The following DMD variants were observed in gnomAD, a reference collection of about 807,000 sequenced individuals.
The protein encoded by DMD is mutant dystrophin.
DMD carries 63 observed loss-of-function variants against 330.1 expected under a neutral mutation model. The ratio of observed to expected loss-of-function variants is 0.19; its 90% CI spans 0.16 to 0.24. The LOEUF (loss-of-function observed/expected upper bound fraction) is 0.24, where lower values mean the gene tolerates loss of function less well. DMD is among the 10% of genes least tolerant of loss of function. DMD has a pLI of 1.00. For synonymous variants in DMD, 1,223 were observed against 959.8 expected, an observed-to-expected ratio of 1.27 and a Z score of -5.07; for missense variants, 3,344 against 2,684.1, an observed-to-expected ratio of 1.25 and a Z score of -5.43.
chrX:32,341,414 C>T (rs181619759), intron 41 of DMD, among the ~76,000 whole-genome samples: 80 of 111,969 alleles, frequency 7.1e-4, no homozygotes, highest in African/African-American at 2.6e-3. Flanking sequence ...AATTCTGAAT[C>T]GCCTTTTTAA....
At chrX:31,956,532 A>G (rs1329787258) in intron 45 of DMD, among the ~76,000 whole-genome samples, 1 of 111,728 alleles carries the variant, frequency 9.0e-6, no homozygotes, top group East Asian at 2.8e-4. Context: ...ATAAATTCAG[A>G]TAAGATTAGT....
intron 60 of DMD, among the ~76,000 whole-genome samples, chrX:31,415,594 C>T (rs2061833763): frequency 8.9e-6 from 1 of 111,895 alleles, no homozygotes; most frequent in South Asian, 3.8e-4. Context: ...TTTTCTCACT[C>T]ATCATCGTAG....
chrX:31,301,404 C>A (rs1019131620), intron 62 of DMD, among the ~76,000 whole-genome samples: 2 of 111,580 alleles, frequency 1.8e-5, no homozygotes, highest in African/African-American at 6.5e-5. Context: ...GGCTGGGGAG[C>A]CCTCAGGAAG....
At chrX:32,736,581 C>T (rs773622488) in intron 7 of DMD, among the ~76,000 whole-genome samples, 6 of 110,610 alleles carry the variant, frequency 5.4e-5, no homozygotes, top group South Asian at 7.7e-4. Context: ...GAATGCTATG[C>T]GGCCATAAAA....
At chrX:32,785,453 G>T (rs1207940316) in intron 7 of DMD, among the ~76,000 whole-genome samples, 1 of 111,428 alleles carries the variant, frequency 9.0e-6, no homozygotes, top group East Asian at 2.8e-4. Flanking sequence ...ATTCCTTCAA[G>T]CACTACCTTT....
At chrX:33,171,658 A>T (rs1016682646) in intron 1 of DMD, among the ~76,000 whole-genome samples, 2 of 111,583 alleles carry the variant, frequency 1.8e-5, no homozygotes, top group Non-Finnish European at 3.8e-5. Context: ...TTAGTAAGTC[A>T]TGCAAAATAA....
At chrX:32,634,881 A>G (rs2058986601) in intron 11 of DMD, among the ~76,000 whole-genome samples, 1 of 111,530 alleles carries the variant, frequency 9.0e-6, no homozygotes, top group African/African-American at 3.3e-5. Context: ...TCCCAAGTCC[A>G]CTGACTCTGA....
intron 1 of DMD, among the ~76,000 whole-genome samples, chrX:33,185,162 T>C (rs991626246): frequency 9.0e-6 from 1 of 111,585 alleles, no homozygotes; most frequent in African/African-American, 3.3e-5. Context: ...ATTAAAAATG[T>C]ATTATACTCC....
At chrX:33,264,570 C>T (rs1348059882) in intron 1 of DMD, among the ~76,000 whole-genome samples, 1 of 110,993 alleles carries the variant, frequency 9.0e-6, no homozygotes, top group African/African-American at 3.3e-5. Context: ...AATGTTAAGC[C>T]ACCAACCAGC....
intron 9 of DMD, among the ~76,000 whole-genome samples, chrX:32,676,921 C>G (rs1439478790): frequency 9.0e-6 from 1 of 111,271 alleles, no homozygotes; most frequent in Non-Finnish European, 1.9e-5. Context: ...TTTTGAAGAC[C>G]ATGTCACTAT....
intron 9 of DMD, among the ~76,000 whole-genome samples, chrX:32,670,778 T>C (rs897802714): frequency 1.7e-4 from 19 of 112,202 alleles, no homozygotes; most frequent in African/African-American, 5.8e-4. Flanking sequence ...CCTGTCAGAA[T>C]TTTCTACTTC....
intron 30 of DMD, among the ~76,000 whole-genome samples, chrX:32,394,365 C>A (rs763178664): frequency 8.9e-6 from 1 of 111,905 alleles, no homozygotes; most frequent in African/African-American, 3.2e-5. Flanking sequence ...CTCTCTCTTG[C>A]CACCTTGGGC....
chrX:31,951,186 TATCTTA>T (rs1247827000), intron 45 of DMD, among the ~76,000 whole-genome samples: 1 of 98,533 alleles, frequency 1.0e-5, no homozygotes, highest in Non-Finnish European at 2.0e-5. Flanking sequence ...TATATATATA[TATCTTA>T]ATAGATATCT....
Position 33,072,234 on chromosome X carries a change from A to G in DMD, c.32-52034T>C, listed in dbSNP as rs751669113. ...GGAGTTTAAGACTAGCCTGGTCAGC[A>G]TAGTGAAACCCCTTCTCTACTAAAA... On this transcript the variant is annotated intron_variant, in intron 1 of 78. Coordinates refer to ENST00000357033, the MANE Select transcript of DMD (RefSeq NM_004006.3). Among the ~76,000 whole-genome samples, 5 of 112,007 alleles carry G rather than the reference A, an allele frequency of 4.5e-5. No individual in the cohort carries two copies. In the South Asian group the frequency reaches 1.9e-3, roughly 42 times the overall value.
Position 31,168,935 on chromosome X carries a change from T to C in DMD, c.10553+508A>G, listed in dbSNP as rs888891149. On this transcript the variant is annotated intron_variant, in intron 74 of 78. Coordinates refer to ENST00000357033, the MANE Select transcript of DMD (RefSeq NM_004006.3). The stretch of plus-strand genomic sequence containing the variant: ...GTCTTTTACAGGTGATGGCTGACAA[T>C]TGGAATTGTCTCACTAACCTGCTAT... Among the ~76,000 whole-genome samples, 3 of 111,580 alleles carry C rather than the reference T, an allele frequency of 2.7e-5. No individual in the cohort carries two copies. In the Admixed American group the frequency reaches 2.9e-4, roughly 11 times the overall value.
intron 1 of DMD, among the ~76,000 whole-genome samples, chrX:33,252,469 G>T (rs1412770580): frequency 1.8e-5 from 2 of 111,073 alleles, no homozygotes; most frequent in Non-Finnish European, 3.8e-5. Flanking sequence ...CCTTGAACTT[G>T]CAAAGGGACA....
intron 1 of DMD, among the ~76,000 whole-genome samples, chrX:33,217,131 G>A (rs2052071986): frequency 1.8e-5 from 2 of 111,150 alleles, no homozygotes; most frequent in African/African-American, 6.5e-5. Flanking sequence ...TTTCCACAGT[G>A]ATCCATATTG....
intron 2 of DMD, among the ~76,000 whole-genome samples, chrX:33,013,838 C>T (rs767457727): frequency 2.5e-4 from 28 of 111,150 alleles, no homozygotes; most frequent in Middle Eastern, 4.6e-3. Flanking sequence ...TGTGTGTGCG[C>T]GCACGCGCGT....
chrX:31,382,692 T>C (rs1383887673), intron 60 of DMD, among the ~76,000 whole-genome samples: 2 of 111,003 alleles, frequency 1.8e-5, no homozygotes, highest in Non-Finnish European at 3.8e-5. Flanking sequence ...TAATTCTACA[T>C]GACAAATGTT....
Sources: gnomAD v4.1 joint callset for allele counts (sites outside exome capture counted in the v4.1 genomes callset) on GRCh38, gnomAD v4.1.1 for gene constraint, MANE v1.5 for transcripts, NCBI Gene and HGNC (gene_info 2026-07-23, HGNC 2026-07-21) for gene names.